The following TNPO1 variants were observed in gnomAD, a reference collection of about 807,000 sequenced individuals.
The protein encoded by TNPO1 is transportin 1, also known as transportin-1.
In TNPO1, 8 loss-of-function variants were observed where a neutral mutation model predicts 119.5. That is an observed-to-expected ratio of 0.07 (90% CI 0.04 to 0.12). The LOEUF (loss-of-function observed/expected upper bound fraction) is 0.12. Ranked by LOEUF, TNPO1 falls within the 10% of genes least tolerant of loss-of-function variation. TNPO1 has a pLI of 1.00. For synonymous variants in TNPO1, 362 were observed against 363.0 expected, an observed-to-expected ratio of 1.00 and a Z score of 0.03; for missense variants, 576 against 1,089.8, an observed-to-expected ratio of 0.53 and a Z score of 6.64.
chr5:72,824,341 TCTCAAAATA>T (rs1273883872), intron 1 of TNPO1, among the ~76,000 whole-genome samples: 1 of 152,248 alleles, frequency 6.6e-6, no homozygotes, highest in African/African-American at 2.4e-5. Context: ...GAGCAGTATT[TCTCAAAATA>T]GTTGTCTGTA....
chr5:72,838,197 A>G (rs1744768217), intron 1 of TNPO1, among the ~76,000 whole-genome samples: 1 of 152,206 alleles, frequency 6.6e-6, no homozygotes, highest in Non-Finnish European at 1.5e-5. Context: ...TTCTGCATAC[A>G]CTTGAAAATG....
In TNPO1 at chr5:72,816,764, G is replaced by A. The variant is rs558029721; in HGVS notation, c.15+12G>A. ...TGGTGTGGGACCGGGTAGGTGGCGTGAGGGTGCGCGGCCCCGAACTGCAGG... is the reference window on the plus strand; with the variant it reads ...TGGTGTGGGACCGGGTAGGTGGCGTAAGGGTGCGCGGCCCCGAACTGCAGG... On this transcript the variant is annotated intron_variant, in intron 1 of 24. Coordinates refer to ENST00000337273, the MANE Select transcript of TNPO1 (RefSeq NM_002270.4). The A allele has an allele frequency of 1.3e-5, 21 of 1,583,480 alleles. No homozygotes were observed. In the African/African-American group the frequency reaches 2.7e-4, roughly 21 times the overall value.
At chr5:72,822,782 G>A (rs1332973253) in intron 1 of TNPO1, among the ~76,000 whole-genome samples, 1 of 151,708 alleles carries the variant, frequency 6.6e-6, no homozygotes, top group African/African-American at 2.4e-5. Context: ...TAGTAGAGAT[G>A]GGGTTTCACT....
intron 9 of TNPO1, among the ~76,000 whole-genome samples, chr5:72,881,557 G>A (rs1748249910): frequency 6.6e-6 from 1 of 152,152 alleles, no homozygotes; most frequent in African/African-American, 2.4e-5. Flanking sequence ...GAAATCTGTG[G>A]TCTTCAACCG....
intron 1 of TNPO1, among the ~76,000 whole-genome samples, chr5:72,829,384 T>G (rs1184048237): frequency 6.6e-6 from 1 of 152,264 alleles, no homozygotes; most frequent in East Asian, 1.9e-4. Flanking sequence ...TGCTATTGAA[T>G]ATGACTTCTG....
Position 72,893,657 on chromosome 5 carries a change from A to G in TNPO1, c.2097A>G (p.Leu699=). ...TTCGACAGAGTTCTTTTGCCCTGTT[A>G]GGTGACCTCACAAAAGCTTGCTTTC... ...PEVRQSSFAL[L]GDLTKACFQH... Residue 699 remains leucine (L), a synonymous_variant, in exon 18 of 25, where the codon TTA becomes TTG. Coordinates refer to ENST00000337273, the MANE Select transcript of TNPO1 (RefSeq NM_002270.4). 6.2e-7 allele frequency: 1 copy of G among 1,614,232 alleles called. No homozygotes were observed.
intron 18 of TNPO1, among the ~76,000 whole-genome samples, chr5:72,896,056 C>T (rs1241404203): frequency 6.6e-6 from 1 of 151,890 alleles, no homozygotes; most frequent in Non-Finnish European, 1.5e-5. Flanking sequence ...ATTCAGAGAC[C>T]ACAATCAGAG....
At position 72,906,275 on chromosome 5, in the gene TNPO1, C is replaced by CT. The variant is rs869051297; in HGVS notation, c.*35+868dup. ...CCATGTGCCCATCACTTTTTTTTTTCTTTTTTTTTTTTTTTTTTTTTTTTT... is the reference window on the plus strand; with the variant it reads ...CCATGTGCCCATCACTTTTTTTTTTCTTTTTTTTTTTTTTTTTTTTTTTTTT... On this transcript the variant is annotated intron_variant, in intron 24 of 24. Coordinates refer to ENST00000337273, the MANE Select transcript of TNPO1 (RefSeq NM_002270.4). Among the ~76,000 whole-genome samples, 152 of 54,676 alleles carry CT rather than the reference C, an allele frequency of 2.8e-3. 6 individuals are homozygous for CT. The highest frequency in any genetic ancestry group is 3.4e-3 in the East Asian group (5 of 1,460). The allele number at this position is 54,676 out of a possible 152,430, so 35.9% of individuals were successfully genotyped here.
At chr5:72,843,310 A>G (rs896969353) in intron 1 of TNPO1, among the ~76,000 whole-genome samples, 3 of 152,140 alleles carry the variant, frequency 2.0e-5, no homozygotes, top group African/African-American at 7.2e-5. Flanking sequence ...AATAAAAACT[A>G]TGGCCAGGCA....
chr5:72,839,440 C>T (rs1261552856), intron 1 of TNPO1, among the ~76,000 whole-genome samples: 4 of 152,136 alleles, frequency 2.6e-5, no homozygotes, highest in Non-Finnish European at 5.9e-5. Context: ...ACTTACTTTT[C>T]CCAAGTTCTC....
intron 1 of TNPO1, among the ~76,000 whole-genome samples, chr5:72,832,978 A>G (rs1744544629): frequency 6.6e-6 from 1 of 152,158 alleles, no homozygotes; most frequent in Admixed American, 6.5e-5. Flanking sequence ...TTGGTGTTCA[A>G]ATCAAAGGAA....
Position 72,896,334 on chromosome 5 carries a change from AT to A in TNPO1, c.2144-117del, listed in dbSNP as rs533077259. 4.6e-3 allele frequency: 2,424 copies of A among 522,636 alleles called. 17 individuals are homozygous for A. The highest frequency in any genetic ancestry group is 6.4e-3 in the Admixed American group (152 of 23,850). The allele number at this position is 522,636 out of a possible 1,614,324, so 32.4% of individuals were successfully genotyped here. ...CAATTTTAAAATTGATGTTGCAGTA[AT>A]TTTTTTAATGGTGAAACTTGTTATT... On this transcript the variant is annotated intron_variant, in intron 18 of 24. Transcript: ENST00000337273.
At chr5:72,897,638 T>A (rs991351037) in intron 20 of TNPO1, among the ~76,000 whole-genome samples, 40 of 151,956 alleles carry the variant, frequency 2.6e-4, no homozygotes, top group Middle Eastern at 3.4e-3. Context: ...TAATTTATTT[T>A]TTTTTTTTTA....
chr5:72,857,581 C>A (rs1355534540), intron 4 of TNPO1, among the ~76,000 whole-genome samples: 3 of 152,172 alleles, frequency 2.0e-5, no homozygotes, highest in East Asian at 1.9e-4. Context: ...GTGTGCCAGC[C>A]TTTTCCATTT....
At chr5:72,884,393 C>A (rs1326824866) in intron 11 of TNPO1, among the ~76,000 whole-genome samples, 8 of 152,118 alleles carry the variant, frequency 5.3e-5, no homozygotes, top group Non-Finnish European at 7.3e-5. Context: ...AACATTGCCA[C>A]AAGCTTTTTT....
chr5:72,856,238 GT>G (rs920798954), intron 4 of TNPO1, among the ~76,000 whole-genome samples: 5 of 151,788 alleles, frequency 3.3e-5, no homozygotes, highest in Non-Finnish European at 7.4e-5. Flanking sequence ...AGTTCTGTTT[GT>G]TTTTTTGTTT....
intron 3 of TNPO1, among the ~76,000 whole-genome samples, chr5:72,855,170 G>A (rs1158701592): frequency 1.3e-5 from 2 of 151,596 alleles, no homozygotes; most frequent in South Asian, 4.2e-4. Flanking sequence ...TAATTTGGGG[G>A]TTTTTAGTAG....
intron 23 of TNPO1, among the ~76,000 whole-genome samples, 193 bp from the exon 24 acceptor site, chr5:72,905,110 G>T (rs1446065729): frequency 6.6e-6 from 1 of 152,198 alleles, no homozygotes; most frequent in African/African-American, 2.4e-5. Flanking sequence ...TACAATTCAA[G>T]ATGAGATTTG....
chr5:72,870,126 A>G (rs1747267611), intron 6 of TNPO1, among the ~76,000 whole-genome samples: 1 of 151,140 alleles, frequency 6.6e-6, no homozygotes, highest in Non-Finnish European at 1.5e-5. Context: ...GGATCAATTT[A>G]GAAGAAATAG....
Sources: allele counts gnomAD v4.1 joint callset (sites outside exome capture counted in the v4.1 genomes callset), GRCh38; gene constraint gnomAD v4.1.1; transcripts MANE v1.5; gene names NCBI Gene and HGNC (gene_info 2026-07-23, HGNC 2026-07-21).